The following ICOS variants were observed in gnomAD, a reference collection of about 807,000 sequenced individuals.
ICOS encodes inducible T-cell costimulator.
ICOS carries 15 observed loss-of-function variants against 24.6 expected under a neutral mutation model. That is an observed-to-expected ratio of 0.61 (90% confidence interval 0.41 to 0.94). ICOS has a LOEUF of 0.94. Ranked by LOEUF, ICOS falls within the 40% of genes least tolerant of loss-of-function variation. The pLI is 0.00. For synonymous variants in ICOS, 89 were observed against 77.5 expected, an observed-to-expected ratio of 1.15 and a Z score of -0.78; for missense variants, 200 against 233.0, an observed-to-expected ratio of 0.86 and a Z score of 0.92.
intron 1 of ICOS, among the ~76,000 whole-genome samples, chr2:203,943,185 A>G (rs1689807271): frequency 6.6e-6 from 1 of 152,054 alleles, no homozygotes; most frequent in African/African-American, 2.4e-5. Context: ...GTTTGGATCC[A>G]TTGCTGGTGA....
At chr2:203,953,306 G>A (rs74828633) in intron 1 of ICOS, among the ~76,000 whole-genome samples, 244 of 152,220 alleles carry the variant, frequency 1.6e-3, no homozygotes, top group African/African-American at 4.8e-3. Context: ...CCTGTCTCTC[G>A]GGGTTCTGGT....
chr2:203,940,639 T>C (rs13411050), intron 1 of ICOS, among the ~76,000 whole-genome samples: 1 of 147,144 alleles, frequency 6.8e-6, no homozygotes, highest in Non-Finnish European at 1.5e-5. Flanking sequence ...AAGAGTTTGA[T>C]GGTAGTCTAA....
chr2:203,957,650 T>C, intron 3 of ICOS, 149 bp from the exon 4 acceptor site: 1 of 676,622 alleles, frequency 1.5e-6, no homozygotes, highest in Non-Finnish European at 2.7e-6. Context: ...CTTTTCATAT[T>C]GTTTTTCTAC....
chr2:203,940,975 G>T (rs912904616), intron 1 of ICOS, among the ~76,000 whole-genome samples: 15 of 152,076 alleles, frequency 9.9e-5, no homozygotes, highest in African/African-American at 2.9e-4. Context: ...TCGTAGAGAC[G>T]GGGTTTCACC....
intron 3 of ICOS, 39 bp downstream of exon 3, chr2:203,956,804 A>G (rs1227982581): frequency 2.3e-6 from 3 of 1,289,300 alleles, no homozygotes; most frequent in East Asian, 4.6e-5. Context: ...TGCTTTACAG[A>G]TGCACATCAG....
rs538576329 is a variant in ICOS at position 203,960,800 on chromosome 2, C to T, written c.*1201C>T. 1.6e-4 allele frequency: 25 copies of T among 152,246 alleles called. No homozygotes were observed. Among genetic ancestry groups the T allele is most frequent in the African/African-American group, 5.5e-4 (23 of 41,532 alleles). 9.4% of individuals were successfully genotyped at this position (152,246 alleles called of 1,614,324 possible). A position where few individuals can be genotyped will look rare whatever the true frequency, so the allele number is the denominator to read the frequency against. On this transcript the variant is annotated 3_prime_UTR_variant, in exon 5 of 5. Coordinates refer to ENST00000316386, the MANE Select transcript of ICOS (RefSeq NM_012092.4). ...TGAGAGACTCCCCTGAGCCAGAGGC[C>T]ACTAGGTATTCTTGCTCCCAGAGGC...
At chr2:203,956,300 A>T (rs559361134) in intron 2 of ICOS, among the ~76,000 whole-genome samples, 1 of 152,188 alleles carries the variant, frequency 6.6e-6, no homozygotes, top group African/African-American at 2.4e-5. Context: ...TATTATCTCT[A>T]TTCACCTAAG....
intron 1 of ICOS, among the ~76,000 whole-genome samples, chr2:203,940,967 G>A (rs918009189): frequency 1.8e-4 from 27 of 152,038 alleles, no homozygotes; most frequent in African/African-American, 6.3e-4. Flanking sequence ...TGTATTTTTC[G>A]TAGAGACGGG....
chr2:203,952,060 GA>G (rs960506132), intron 1 of ICOS, among the ~76,000 whole-genome samples: 5 of 151,874 alleles, frequency 3.3e-5, no homozygotes, highest in African/African-American at 7.3e-5. Flanking sequence ...ATAGAAAAGT[GA>G]AAAAAATGTA....
chr2:203,960,088 C>T lies in ICOS; in HGVS notation c.*489C>T. The T allele has an allele frequency of 4.1e-6, 1 of 241,960 alleles. No homozygotes were observed. The highest frequency in any genetic ancestry group is 8.2e-6 in the Non-Finnish European group (1 of 122,290). The allele number at this position is 241,960 out of a possible 1,614,324, so 15.0% of individuals were successfully genotyped here. A position where few individuals can be genotyped will look rare whatever the true frequency, so the allele number is the denominator to read the frequency against. Reference sequence around the variant, plus strand: ...CAAGGGAGATGCTTCAAAGCTGGAGCTATTTTATTTCTGAGATGTTGATGT... The same window carrying T: ...CAAGGGAGATGCTTCAAAGCTGGAGTTATTTTATTTCTGAGATGTTGATGT... On this transcript the variant is annotated 3_prime_UTR_variant, in exon 5 of 5. Transcript: ENST00000316386.
chr2:203,937,879 G>A (rs1689687889), intron 1 of ICOS, among the ~76,000 whole-genome samples: 1 of 152,236 alleles, frequency 6.6e-6, no homozygotes, highest in African/African-American at 2.4e-5. Context: ...ATGAGCACAA[G>A]GACAGTTTTG....
At chr2:203,942,469 C>A (rs1404294493) in intron 1 of ICOS, among the ~76,000 whole-genome samples, 1 of 152,152 alleles carries the variant, frequency 6.6e-6, no homozygotes, top group Non-Finnish European at 1.5e-5. Context: ...AATGACAGCC[C>A]AGCTTAATAC....
At chr2:203,936,963 C>T (rs1689662344) in intron 1 of ICOS, 91 bp downstream of exon 1, 1 of 980,660 alleles carries the variant, frequency 1.0e-6, no homozygotes. Flanking sequence ...ACCCAAAAGA[C>T]AGTGGTTTTG....
In ICOS at chr2:203,957,729, G is replaced by C. The variant is rs1559036353; in HGVS notation, c.502-70G>C. ...TCACATACCACTTCAACAAAGAATA[G>C]AAAACAGTCAAAAAACAAAGAGATG... On this transcript the variant is annotated intron_variant, in intron 3 of 4. Transcript: ENST00000316386. 5 of 1,179,924 alleles carry C rather than the reference G, an allele frequency of 4.2e-6. No homozygotes were observed. In the East Asian group the frequency reaches 1.2e-4, roughly 28 times the overall value. 73.1% of individuals were successfully genotyped at this position (1,179,924 alleles called of 1,614,324 possible). A position where few individuals can be genotyped will look rare whatever the true frequency, so the allele number is the denominator to read the frequency against.
chr2:203,954,265 C>T (rs1581605652), intron 1 of ICOS, among the ~76,000 whole-genome samples: 3 of 152,246 alleles, frequency 2.0e-5, no homozygotes, highest in African/African-American at 7.2e-5. Flanking sequence ...ACCTTGGCTT[C>T]CTATAAGCAT....
rs142665870 is a variant in ICOS, at chr2:203,953,614, A to G, written c.59-2022A>G. On this transcript the variant is annotated intron_variant, in intron 1 of 4. Coordinates refer to ENST00000316386, the MANE Select transcript of ICOS (RefSeq NM_012092.4). Reference sequence around the variant, plus strand: ...ACTAGTGTAAGTAGAGGTGTGACAAATAGCCCCTCCTGCATAATGCTAATC... The same window carrying G: ...ACTAGTGTAAGTAGAGGTGTGACAAGTAGCCCCTCCTGCATAATGCTAATC... 1.1e-3 allele frequency among the ~76,000 whole-genome samples: 168 copies of G among 152,344 alleles called. 3 individuals carry two copies. The highest frequency in any genetic ancestry group is 4.6e-3 in the Admixed American group (70 of 15,298).
chr2:203,937,009 A>G (rs1689662955), intron 1 of ICOS, 137 bp downstream of exon 1: 1 of 689,612 alleles, frequency 1.5e-6, no homozygotes. Context: ...GGATATGGCC[A>G]AGGGCACCAT....
chr2:203,953,876 TAGC>T (rs796209236), intron 1 of ICOS, among the ~76,000 whole-genome samples: 16 of 152,216 alleles, frequency 1.1e-4, no homozygotes, highest in African/African-American at 3.8e-4. Context: ...AAAATAACAA[TAGC>T]AGAACACAAA....
At position 203,959,624 on chromosome 2, in the gene ICOS, G is replaced by A. The variant is rs758571201; in HGVS notation, c.*25G>A. On this transcript the variant is annotated 3_prime_UTR_variant, in exon 5 of 5. Coordinates refer to ENST00000316386, the MANE Select transcript of ICOS (RefSeq NM_012092.4). ...ATATGGAACTCTGGCACCCAGGCAT[G>A]AAGCACGTTGGCCAGTTTTCCTCAA... The A allele has an allele frequency of 2.5e-6, 4 of 1,611,928 alleles. No homozygotes were observed. Among genetic ancestry groups the A allele is most frequent in the Non-Finnish European group, 3.4e-6 (4 of 1,178,136 alleles).
Sources: allele counts gnomAD v4.1 joint callset (sites outside exome capture counted in the v4.1 genomes callset), GRCh38; gene constraint gnomAD v4.1.1; transcripts MANE v1.5; gene names NCBI Gene and HGNC (gene_info 2026-07-23, HGNC 2026-07-21).